Variants in AP3B1 observed in about 807,000 individuals in gnomAD.
AP3B1 encodes the protein AP-3 complex subunit beta-1.
A neutral mutation model predicts 132.5 loss-of-function variants in AP3B1; 61 were observed. The ratio of observed to expected loss-of-function variants is 0.46; its 90% CI spans 0.37 to 0.57. The LOEUF is 0.57. Among genes scored for constraint, AP3B1 ranks in the 20% least tolerant of loss-of-function variants. AP3B1 has a pLI of 0.00. For missense variants in AP3B1, 1,120 were observed against 1,289.4 expected (o/e 0.87, Z 2.01); for synonymous variants, 388 against 438.3 (o/e 0.89, Z 1.43).
chr5:78,144,037 T>A (rs1753274634), intron 14 of AP3B1, among the ~76,000 whole-genome samples: 1 of 152,036 alleles, frequency 6.6e-6, no homozygotes, highest in East Asian at 1.9e-4. Context: ...AGTCACTTTT[T>A]GTTCCCCATG....
intron 7 of AP3B1, among the ~76,000 whole-genome samples, chr5:78,211,381 A>G (rs1437749571): frequency 1.3e-5 from 2 of 152,196 alleles, no homozygotes; most frequent in Admixed American, 6.5e-5. Context: ...TTGTTCCTCA[A>G]ATCATACATT....
chr5:78,168,211 ACTTTTTT>A (rs772090043), intron 11 of AP3B1, among the ~76,000 whole-genome samples: 8 of 147,516 alleles, frequency 5.4e-5, no homozygotes, highest in South Asian at 2.1e-4. Context: ...CTTTTAGACA[ACTTTTTT>A]CTTTTTTCTT....
intron 17 of AP3B1, among the ~76,000 whole-genome samples, chr5:78,125,014 A>G (rs149648207): frequency 3.9e-5 from 6 of 152,292 alleles, no homozygotes; most frequent in Non-Finnish European, 7.4e-5. Context: ...CTAAAAGACC[A>G]CATTATCATT....
In AP3B1 at chr5:78,113,836, C is replaced by T. The variant is rs748567453; in HGVS notation, c.2165G>A (p.Ser722Asn). 1.2e-6 allele frequency: 2 copies of T among 1,614,220 alleles called. No individual in the cohort carries two copies. The highest frequency in any genetic ancestry group is 1.7e-5 in the Admixed American group (1 of 60,030). The change falls in exon 19 of 27, where the codon AGT (serine) becomes AAT (asparagine). Residue 722 changes from serine (S) to asparagine (N), a missense_variant. Ser to Asn is a conservative substitution (Grantham distance 46). Coordinates refer to ENST00000255194, the MANE Select transcript of AP3B1 (RefSeq NM_003664.5). ...SNEDSSEDSS[S>N]EQDSESGRES... ...CCGTCCACTCTCACTGTCCTGCTCA[C>T]TGGAGGAGTCCTCACTGCTGTCCTC...
At chr5:78,073,031 T>C (rs1443284141) in intron 22 of AP3B1, among the ~76,000 whole-genome samples, 1 of 152,188 alleles carries the variant, frequency 6.6e-6, no homozygotes, top group African/African-American at 2.4e-5. Context: ...ACGTCTGATA[T>C]ATTCTAAGTT....
In AP3B1 at chr5:78,265,254, T is replaced by C. The variant is rs1748271247; in HGVS notation, c.204+2266A>G. Among the ~76,000 whole-genome samples, 4 of 151,952 alleles carry C rather than the reference T, an allele frequency of 2.6e-5. No individual in the cohort carries two copies. The South Asian group carries it at 8.3e-4, about 32-fold the overall frequency. On this transcript the variant is annotated intron_variant, in intron 2 of 26. Transcript: ENST00000255194. Reference sequence around the variant, plus strand: ...GAGTTCTACACCAGCCTGGGCAATATAGCAAGACCCTGTCTCTACAAAAAA... The same window carrying C: ...GAGTTCTACACCAGCCTGGGCAATACAGCAAGACCCTGTCTCTACAAAAAA...
intron 1 of AP3B1, among the ~76,000 whole-genome samples, chr5:78,272,453 T>A (rs1748585229): frequency 6.6e-6 from 1 of 152,220 alleles, no homozygotes; most frequent in Admixed American, 6.5e-5. Context: ...TACTCTTCCA[T>A]CTTGAAATTC....
chr5:78,081,527 G>A (rs1294148565), intron 22 of AP3B1, among the ~76,000 whole-genome samples: 2 of 151,828 alleles, frequency 1.3e-5, no homozygotes, highest in Admixed American at 6.6e-5. Context: ...TCGATCTCCT[G>A]ACCTCGTGAT....
At chr5:78,074,247 G>A (rs1749669371) in intron 22 of AP3B1, among the ~76,000 whole-genome samples, 1 of 152,064 alleles carries the variant, frequency 6.6e-6, no homozygotes, top group African/African-American at 2.4e-5. Context: ...CTCAGAAGTA[G>A]CATAGAAATA....
intron 14 of AP3B1, among the ~76,000 whole-genome samples, chr5:78,152,342 G>T (rs375034507): frequency 2.9e-4 from 44 of 151,932 alleles, no homozygotes; most frequent in African/African-American, 1.0e-3. Context: ...TTTTATTATG[G>T]TTTCAATCTT....
At chr5:78,170,317 T>G (rs1011175299) in intron 11 of AP3B1, among the ~76,000 whole-genome samples, 3 of 152,218 alleles carry the variant, frequency 2.0e-5, no homozygotes, top group African/African-American at 7.2e-5. Flanking sequence ...TTCTAGATTC[T>G]TGAGGAATCA....
intron 2 of AP3B1, among the ~76,000 whole-genome samples, chr5:78,241,535 C>T (rs1747141219): frequency 6.6e-6 from 1 of 152,170 alleles, no homozygotes. Context: ...TTTGAACCAA[C>T]TAATTATGTG....
intron 23 of AP3B1, among the ~76,000 whole-genome samples, chr5:78,036,020 G>A (rs79053202): frequency 0.035 from 5,304 of 152,044 alleles, 322 homozygotes; most frequent in African/African-American, 0.12. Flanking sequence ...AGCAAATTCC[G>A]TCATCTCCAA....
At chr5:78,269,270 T>G (rs1218970548) in intron 1 of AP3B1, among the ~76,000 whole-genome samples, 1 of 152,222 alleles carries the variant, frequency 6.6e-6, no homozygotes, top group South Asian at 2.1e-4. Context: ...TAGTTACCTG[T>G]AGCTTTCTAG....
At chr5:78,193,765 TA>T (rs1266910577) in intron 7 of AP3B1, among the ~76,000 whole-genome samples, 3,142 of 126,752 alleles carry the variant, frequency 0.025, 133 homozygotes, top group African/African-American at 0.06. Context: ...TATATATATA[TA>T]TATATTTTTT....
intron 22 of AP3B1, among the ~76,000 whole-genome samples, chr5:78,070,398 C>G (rs1301162700): frequency 1.5e-5 from 2 of 130,730 alleles, no homozygotes; most frequent in Non-Finnish European, 3.2e-5. Context: ...CAGAGTAAGA[C>G]TCCATCTCAA....
At chr5:78,120,186 A>G (rs1000565000) in intron 17 of AP3B1, among the ~76,000 whole-genome samples, 3 of 152,224 alleles carry the variant, frequency 2.0e-5, no homozygotes, top group Admixed American at 6.5e-5. Flanking sequence ...GAGCTCCTAA[A>G]GGAAGCACTA....
intron 12 of AP3B1, 65 bp from the exon 13 acceptor site, chr5:78,163,016 T>C (rs1743452975): frequency 6.7e-7 from 1 of 1,488,850 alleles, no homozygotes; most frequent in Non-Finnish European, 9.3e-7. Flanking sequence ...ACTCCGATTA[T>C]ATTAAACTTT....
chr5:78,109,813 T>C (rs1044047725), intron 20 of AP3B1, among the ~76,000 whole-genome samples: 3 of 152,174 alleles, frequency 2.0e-5, no homozygotes, highest in African/African-American at 7.2e-5. Flanking sequence ...AAAGAATGTA[T>C]ACTCTTTAAT....
Sources: allele counts gnomAD v4.1 joint callset (sites outside exome capture counted in the v4.1 genomes callset), GRCh38; gene constraint gnomAD v4.1.1; transcripts MANE v1.5; gene names NCBI Gene and HGNC (gene_info 2026-07-23, HGNC 2026-07-21).